The following NUDT3 variants were observed in gnomAD, a reference collection of about 807,000 sequenced individuals.
The protein encoded by NUDT3 is diphosphoinositol polyphosphate phosphohydrolase 1.
A neutral mutation model predicts 23.6 loss-of-function variants in NUDT3; 9 were observed. The ratio of observed to expected loss-of-function variants is 0.38; its 90% CI spans 0.23 to 0.66. The LOEUF (loss-of-function observed/expected upper bound fraction) is 0.66. Ranked by LOEUF, NUDT3 falls within the 30% of genes least tolerant of loss-of-function variation. The pLI is 0.52. For synonymous variants in NUDT3, 86 were observed against 82.6 expected (o/e 1.04, Z -0.22); for missense variants, 172 against 218.5 (o/e 0.79, Z 1.34).
At chr6:34,307,453 G>A (rs113694440) in intron 2 of NUDT3, among the ~76,000 whole-genome samples, 1 of 151,776 alleles carries the variant, frequency 6.6e-6, no homozygotes, top group Admixed American at 6.6e-5. Flanking sequence ...TGGCACGCCT[G>A]TAGTCTTAGC....
intron 2 of NUDT3, among the ~76,000 whole-genome samples, chr6:34,321,938 T>C (rs568078366): frequency 6.6e-6 from 1 of 152,338 alleles, no homozygotes; most frequent in South Asian, 2.1e-4. Flanking sequence ...TTTTAATTAG[T>C]TTGTTTTTGT....
intron 1 of NUDT3, among the ~76,000 whole-genome samples, chr6:34,358,292 C>CACACACA (rs1561917553): frequency 2.0e-5 from 3 of 149,950 alleles, no homozygotes; most frequent in South Asian, 2.1e-4. Context: ...CACACACACA[C>CACACACA]CCCTTATAAT....
intron 1 of NUDT3, among the ~76,000 whole-genome samples, chr6:34,383,806 G>A (rs1294014543): frequency 2.0e-5 from 3 of 152,060 alleles, no homozygotes; most frequent in Non-Finnish European, 2.9e-5. Context: ...ACCTTGGGAA[G>A]GAGGCAAAAA....
At chr6:34,347,913 G>A (rs894340580) in intron 1 of NUDT3, among the ~76,000 whole-genome samples, 6 of 151,684 alleles carry the variant, frequency 4.0e-5, no homozygotes, top group African/African-American at 1.5e-4. Flanking sequence ...TGAGGTAGGA[G>A]GTGCACTTGC....
intron 1 of NUDT3, among the ~76,000 whole-genome samples, chr6:34,361,101 C>A (rs1324923830): frequency 6.6e-5 from 10 of 152,086 alleles, no homozygotes; most frequent in Non-Finnish European, 1.0e-4. Flanking sequence ...TGTGCACTTG[C>A]AGTCCCAGCT....
At chr6:34,349,426 G>C (rs1446936761) in intron 1 of NUDT3, among the ~76,000 whole-genome samples, 1 of 145,148 alleles carries the variant, frequency 6.9e-6, no homozygotes, top group Non-Finnish European at 1.5e-5. Flanking sequence ...GGAGGCGTCA[G>C]TGGAGGAGGG....
chr6:34,322,419 C>T (rs551199353), intron 2 of NUDT3, among the ~76,000 whole-genome samples: 21 of 151,804 alleles, frequency 1.4e-4, no homozygotes, highest in Non-Finnish European at 2.6e-4. Flanking sequence ...TTAGTAGAGA[C>T]GGGGTTTCAC....
At chr6:34,325,134 G>C (rs1764005334) in intron 2 of NUDT3, among the ~76,000 whole-genome samples, 2 of 152,026 alleles carry the variant, frequency 1.3e-5, no homozygotes, top group Admixed American at 1.3e-4. Context: ...GAGATCTATG[G>C]GATTCATTCT....
chr6:34,296,144 C>T (rs1465191566), intron 2 of NUDT3, among the ~76,000 whole-genome samples: 2 of 152,222 alleles, frequency 1.3e-5, no homozygotes, highest in Non-Finnish European at 2.9e-5. Context: ...CAGCATGTGG[C>T]TATAGTCCCA....
intron 1 of NUDT3, among the ~76,000 whole-genome samples, chr6:34,387,001 G>A (rs766362002): frequency 4.6e-5 from 7 of 152,080 alleles, no homozygotes; most frequent in Non-Finnish European, 8.8e-5. Flanking sequence ...TGGAGCCCCA[G>A]ATACTTGTTG....
chr6:34,354,809 G>T (rs1403122106), intron 1 of NUDT3, among the ~76,000 whole-genome samples: 1 of 146,278 alleles, frequency 6.8e-6, no homozygotes, highest in Non-Finnish European at 1.5e-5. Context: ...TTTTATATTT[G>T]TATTTTATAT....
intron 1 of NUDT3, among the ~76,000 whole-genome samples, chr6:34,375,461 ATTGT>A (rs1307332934): frequency 2.6e-5 from 4 of 152,234 alleles, no homozygotes; most frequent in Non-Finnish European, 1.5e-5. Context: ...AAGGCCCACA[ATTGT>A]TTGTGAGGAT....
At chr6:34,332,455 A>C (rs577288358) in intron 2 of NUDT3, among the ~76,000 whole-genome samples, 89 of 152,254 alleles carry the variant, frequency 5.8e-4, no homozygotes, top group African/African-American at 1.8e-3. Context: ...CAGAGGCAGA[A>C]GTGAAGGAGG....
At chr6:34,334,681 C>T (rs1305509136) in intron 2 of NUDT3, among the ~76,000 whole-genome samples, 1 of 151,974 alleles carries the variant, frequency 6.6e-6, no homozygotes, top group African/African-American at 2.4e-5. Context: ...CGGCCTACAC[C>T]TGTAATCCCA....
At chr6:34,356,707 GA>G (rs55841266) in intron 1 of NUDT3, among the ~76,000 whole-genome samples, 15,745 of 150,768 alleles carry the variant, frequency 0.1, 906 homozygotes, top group Non-Finnish European at 0.12. Context: ...AACTGAGGGG[GA>G]AAAAAAAATC....
chr6:34,292,571 T>A (rs933688941), intron 4 of NUDT3, among the ~76,000 whole-genome samples: 1 of 151,920 alleles, frequency 6.6e-6, no homozygotes, highest in Non-Finnish European at 1.5e-5. Flanking sequence ...TAAAAGTTCA[T>A]AAATTTTATC....
At chr6:34,328,452 T>C (rs1320782111) in intron 2 of NUDT3, among the ~76,000 whole-genome samples, 1 of 152,208 alleles carries the variant, frequency 6.6e-6, no homozygotes, top group Non-Finnish European at 1.5e-5. Flanking sequence ...ATAAAAATAA[T>C]ACATGTTCCT....
Position 34,376,584 on chromosome 6 carries a change from T to C in NUDT3, c.99+15680A>G, listed in dbSNP as rs182503590. 3.3e-5 allele frequency among the ~76,000 whole-genome samples: 5 copies of C among 152,232 alleles called. No homozygotes were observed. In the East Asian group the frequency reaches 9.7e-4, roughly 29 times the overall value. ...GAGCCACCATGCATGGTCTCCTTTATCTTTAACATATCATCTGTTACCAAA... is the reference window on the plus strand; with the variant it reads ...GAGCCACCATGCATGGTCTCCTTTACCTTTAACATATCATCTGTTACCAAA... On this transcript the variant is annotated intron_variant, in intron 1 of 4. Coordinates refer to ENST00000607016, the MANE Select transcript of NUDT3 (RefSeq NM_006703.4).
At chr6:34,303,165 C>G (rs1056317728) in intron 2 of NUDT3, among the ~76,000 whole-genome samples, 56 of 147,520 alleles carry the variant, frequency 3.8e-4, no homozygotes, top group Admixed American at 1.8e-3. Flanking sequence ...CTGAGTAACG[C>G]GGATCACAGA....
Sources: gnomAD v4.1 joint callset for allele counts (sites outside exome capture counted in the v4.1 genomes callset) on GRCh38, gnomAD v4.1.1 for gene constraint, MANE v1.5 for transcripts, NCBI Gene and HGNC (gene_info 2026-07-23, HGNC 2026-07-21) for gene names.